DOCK3: variants seen among roughly 807,000 people sequenced by gnomAD.
DOCK3 encodes dedicator of cytokinesis protein 3.
A neutral mutation model predicts 265.6 loss-of-function variants in DOCK3; 60 were observed. That is an observed-to-expected ratio of 0.23 (90% CI 0.18 to 0.28). The LOEUF is 0.28. DOCK3 is among the 10% of genes least tolerant of loss of function. The pLI, the probability that DOCK3 is intolerant of heterozygous loss-of-function variation, is 1.00. For synonymous variants in DOCK3, 881 were observed against 938.0 expected, an observed-to-expected ratio of 0.94 and a Z score of 1.11; for missense variants, 1,981 against 2,594.3, an observed-to-expected ratio of 0.76 and a Z score of 5.14.
chr3:51,234,206 T>C (rs1011599209), intron 19 of DOCK3, among the ~76,000 whole-genome samples: 1 of 152,244 alleles, frequency 6.6e-6, no homozygotes, highest in African/African-American at 2.4e-5. Context: ...AGGTGACATC[T>C]CATTGTGGTT....
At chr3:50,937,490 T>TA (rs2051443134) in intron 5 of DOCK3, among the ~76,000 whole-genome samples, 2 of 151,908 alleles carry the variant, frequency 1.3e-5, no homozygotes, top group South Asian at 4.2e-4. Flanking sequence ...CTGTCTCTAC[T>TA]AAAAATACAA....
At chr3:51,202,763 T>C in intron 12 of DOCK3, among the ~76,000 whole-genome samples, 1 of 151,466 alleles carries the variant, frequency 6.6e-6, no homozygotes, top group South Asian at 2.1e-4. Flanking sequence ...GATGCAAAAA[T>C]CCTCAATAAA....
chr3:50,912,272 T>C (rs916637999), intron 4 of DOCK3, among the ~76,000 whole-genome samples: 3 of 152,064 alleles, frequency 2.0e-5, no homozygotes, highest in African/African-American at 7.3e-5. Flanking sequence ...TCTTGTTCTT[T>C]TTCCTTACTT....
chr3:51,138,937 T>C (rs2084926077), intron 9 of DOCK3, among the ~76,000 whole-genome samples: 1 of 152,140 alleles, frequency 6.6e-6, no homozygotes. Flanking sequence ...TAACAAAAAA[T>C]ATATTATGGT....
At position 51,257,604 on chromosome 3, in the gene DOCK3, G is replaced by T. The variant is rs185181125; in HGVS notation, c.2185-2552G>T. Among the ~76,000 whole-genome samples the T allele has an allele frequency of 1.4e-4, 22 of 152,318 alleles. No individual in the cohort carries two copies. In the East Asian group the frequency reaches 3.5e-3, roughly 24 times the overall value. ...CACACTTCACTGCTGAGCTGTATCA[G>T]TTCCTTAGCAGGTAGCCACAAGGAG... On this transcript the variant is annotated intron_variant, in intron 22 of 52. Transcript: ENST00000266037.
intron 33 of DOCK3, among the ~76,000 whole-genome samples, chr3:51,330,896 C>T (rs1387827497): frequency 6.6e-6 from 1 of 152,198 alleles, no homozygotes; most frequent in Admixed American, 6.5e-5. Flanking sequence ...CTAGAATACC[C>T]TCCCCATCTT....
chr3:50,735,205 G>C (rs1246908852), intron 1 of DOCK3, among the ~76,000 whole-genome samples: 1 of 152,132 alleles, frequency 6.6e-6, no homozygotes, highest in Non-Finnish European at 1.5e-5. Flanking sequence ...TGCCTTGTTT[G>C]TGATGAGTGC....
chr3:50,908,970 C>A (rs1167426423), intron 4 of DOCK3, among the ~76,000 whole-genome samples: 1 of 151,758 alleles, frequency 6.6e-6, no homozygotes, highest in Admixed American at 6.6e-5. Flanking sequence ...TTATGTAATG[C>A]CCTTCTTTGT....
intron 2 of DOCK3, among the ~76,000 whole-genome samples, chr3:50,786,057 A>C (rs2042172026): frequency 6.6e-6 from 1 of 151,528 alleles, no homozygotes. Context: ...TATTTCCAGA[A>C]ATTTGTCCAT....
rs985837494 is a variant in DOCK3, at chr3:50,907,202, C to T, written c.218+17121C>T. On this transcript the variant is annotated intron_variant, in intron 4 of 52. Transcript: ENST00000266037. Reference sequence around the variant, plus strand: ...TATGTTGATTTTGGAATAAGTGTGACGTGGTGCTGAGAAGAATGTATATTC... The same window carrying T: ...TATGTTGATTTTGGAATAAGTGTGATGTGGTGCTGAGAAGAATGTATATTC... Among the ~76,000 whole-genome samples the T allele has an allele frequency of 4.6e-5, 7 of 152,006 alleles. No homozygotes were observed. In the East Asian group the frequency reaches 5.8e-4, roughly 13 times the overall value.
intron 12 of DOCK3, among the ~76,000 whole-genome samples, chr3:51,203,881 C>A (rs991396233): frequency 1.8e-4 from 27 of 152,210 alleles, no homozygotes; most frequent in Non-Finnish European, 1.8e-4. Flanking sequence ...ACTATCTGAT[C>A]TTTGACAAAC....
intron 2 of DOCK3, among the ~76,000 whole-genome samples, chr3:50,839,188 A>G (rs2045680754): frequency 6.6e-6 from 1 of 152,188 alleles, no homozygotes; most frequent in African/African-American, 2.4e-5. Context: ...TCTCTGAATA[A>G]CATTCCATTG....
chr3:51,037,551 A>G (rs886743725), intron 5 of DOCK3, among the ~76,000 whole-genome samples: 3 of 152,178 alleles, frequency 2.0e-5, no homozygotes, highest in African/African-American at 7.2e-5. Flanking sequence ...AATATACACT[A>G]TCTTTGCCTT....
intron 10 of DOCK3, 38 bp from the exon 11 acceptor site, chr3:51,159,206 T>G: frequency 6.3e-7 from 1 of 1,589,160 alleles, no homozygotes; most frequent in Non-Finnish European, 8.6e-7. Context: ...TTATTTTCTG[T>G]GTATTCCTTG....
At chr3:51,319,877 C>A (rs1042801442) in intron 32 of DOCK3, among the ~76,000 whole-genome samples, 7 of 150,830 alleles carry the variant, frequency 4.6e-5, no homozygotes, top group Non-Finnish European at 1.0e-4. Flanking sequence ...AAAAAACAAA[C>A]AACAACAACA....
intron 1 of DOCK3, among the ~76,000 whole-genome samples, chr3:50,762,630 A>T (rs2040603224): frequency 6.6e-6 from 1 of 152,156 alleles, no homozygotes. Context: ...TCTGATCCTG[A>T]TCTTATAAAG....
intron 5 of DOCK3, among the ~76,000 whole-genome samples, chr3:50,945,087 G>T (rs1693700387): frequency 6.6e-6 from 1 of 152,208 alleles, no homozygotes; most frequent in Non-Finnish European, 1.5e-5. Flanking sequence ...ATCCTGTTAA[G>T]ATGACATTTA....
Position 51,360,575 on chromosome 3 carries a change from T to A in DOCK3, c.4949T>A (p.Val1650Asp). The change falls in exon 47 of 53, where the codon GTT (valine) becomes GAT (aspartate). Residue 1650 changes from valine to aspartate, a missense_variant. By Grantham distance (152) the Val-to-Asp change is radical. Transcript: ENST00000266037. ...GGCACCAGCACCCCACGGGGAAATG[T>A]TCTGGCATCCCATAGCCCCATGAGT... is the stretch of plus-strand genomic sequence containing the variant. The part of the protein sequence containing the change: ...CSGTSTPRGN[V>D]LASHSPMSPE... The A allele has an allele frequency of 6.2e-7, 1 of 1,613,712 alleles. No individual in the cohort carries two copies. The highest frequency in any genetic ancestry group is 8.5e-7 in the Non-Finnish European group (1 of 1,179,800).
chr3:50,941,599 A>G (rs2076297862), intron 5 of DOCK3, among the ~76,000 whole-genome samples: 1 of 152,104 alleles, frequency 6.6e-6, no homozygotes, highest in Non-Finnish European at 1.5e-5. Context: ...TGTTCACATA[A>G]TAGCTTTTAC....
Sources: allele counts gnomAD v4.1 joint callset (sites outside exome capture counted in the v4.1 genomes callset), GRCh38; gene constraint gnomAD v4.1.1; transcripts MANE v1.5; gene names NCBI Gene and HGNC (gene_info 2026-07-23, HGNC 2026-07-21).